The following ZNF83 variants were observed in gnomAD, a reference collection of about 807,000 sequenced individuals.
ZNF83 encodes zinc finger protein 83.
For missense variants in ZNF83, 552 were observed against 629.9 expected (o/e 0.88, Z 1.32); for synonymous variants, 209 against 213.0 (o/e 0.98, Z 0.17).
chr19:52,629,263 G>A (rs1327680392), intron 2 of ZNF83, among the ~76,000 whole-genome samples: 4 of 152,100 alleles, frequency 2.6e-5, no homozygotes, highest in Non-Finnish European at 4.4e-5. Flanking sequence ...ACGGTCTGAG[G>A]TGCCTGACAT....
upstream of ZNF83, among the ~76,000 whole-genome samples, chr19:52,640,117 C>T (rs551651197): frequency 2.6e-5 from 4 of 152,246 alleles, no homozygotes; most frequent in East Asian, 3.9e-4. Context: ...GTCTTTTTGA[C>T]GAGTGTGAGT....
chr19:52,648,655 C>T (rs2061405452), intron 3 of ZNF83, among the ~76,000 whole-genome samples: 1 of 152,108 alleles, frequency 6.6e-6, no homozygotes, highest in African/African-American at 2.4e-5. Context: ...TTGTTCAGTC[C>T]CGCTGCTGTT....
chr19:52,613,072 G>T lies in ZNF83; in HGVS notation c.1493C>A (p.Ser498Ter), dbSNP rs758679709. ...AAATCTCTGATGACGTACAAGATAT[G>T]AATTGTCGCGGAAGAGTTTGCCACA... The change falls in exon 3 of 3, where the codon TCA becomes TAA. Residue 498 changes from serine (S) to a stop codon, truncating the protein, a stop_gained. Transcript: ENST00000301096. LOFTEE classifies it low-confidence loss of function (END_TRUNC). 6.2e-7 allele frequency: 1 copy of T among 1,612,978 alleles called. No homozygotes were observed.
intron 2 of ZNF83, among the ~76,000 whole-genome samples, chr19:52,629,692 A>G (rs1281280372): frequency 6.6e-6 from 1 of 152,112 alleles, no homozygotes; most frequent in Non-Finnish European, 1.5e-5. Context: ...GCTCTTTTTC[A>G]TCAAATATAA....
upstream of ZNF83, among the ~76,000 whole-genome samples, chr19:52,642,574 A>T (rs1039131023): frequency 1.3e-5 from 2 of 152,100 alleles, no homozygotes; most frequent in Non-Finnish European, 2.9e-5. Context: ...ATAAAACGGG[A>T]GGCAAGTTTG....
intron 1 of ZNF83, among the ~76,000 whole-genome samples, chr19:52,673,781 G>A (rs2061760046): frequency 6.6e-6 from 1 of 150,750 alleles, no homozygotes; most frequent in Non-Finnish European, 1.5e-5. Context: ...TTGGGAGGCT[G>A]AGGTGGGCCA....
intron 1 of ZNF83, among the ~76,000 whole-genome samples, chr19:52,686,947 C>A (rs1366479840): frequency 6.6e-6 from 1 of 151,874 alleles, no homozygotes; most frequent in Non-Finnish European, 1.5e-5. Context: ...TTTGGGAGAT[C>A]GAGGTGAGCA....
At chr19:52,679,027 C>T (rs1424197280) in intron 1 of ZNF83, among the ~76,000 whole-genome samples, 2 of 151,502 alleles carry the variant, frequency 1.3e-5, no homozygotes, top group African/African-American at 4.8e-5. Context: ...TTCAACCTCA[C>T]AAGCTCCCTT....
Position 52,613,831 on chromosome 19 carries a change from T to C in ZNF83, c.734A>G (p.Asn245Ser). Residue 245 changes from asparagine to serine, a missense_variant, in exon 3 of 3, where the codon AAT becomes AGT. By Grantham distance (46) the Asn-to-Ser change is conservative. Coordinates refer to ENST00000301096, the Ensembl canonical transcript of ZNF83. The stretch of plus-strand genomic sequence containing the variant: ...GATCAGATGTTGTACAAGGTAGGAA[T>C]TGCGACTGAACACCTTGCCACATTT... 6.2e-7 allele frequency: 1 copy of C among 1,614,078 alleles called. No individual in the cohort carries two copies. The highest frequency in any genetic ancestry group is 8.5e-7 in the Non-Finnish European group (1 of 1,179,986).
chr19:52,676,662 A>G (rs1385092419), intron 1 of ZNF83, among the ~76,000 whole-genome samples: 4 of 141,574 alleles, frequency 2.8e-5, no homozygotes, highest in East Asian at 2.0e-4. Flanking sequence ...CAGGATGACA[A>G]TGGCGGCTTT....
chr19:52,614,799 T>TACAAGATATAAGGATCC lies in ZNF83; in HGVS notation c.-233-19_-233-3dup. ...TGATCTCACATTTAGAAAAAATACC[T>TACAAGATATAAGGATCC]ACAAGATATAAGGATCCCACAGTTT... On this transcript the variant is annotated splice_region_variant and splice_polypyrimidine_tract_variant and intron_variant, in intron 2 of 2. Transcript: ENST00000301096. The TACAAGATATAAGGATCC allele has an allele frequency of 7.8e-7, 1 of 1,281,882 alleles. No homozygotes were observed. The highest frequency in any genetic ancestry group is 9.9e-7 in the Non-Finnish European group (1 of 1,007,212). The allele number at this position is 1,281,882 out of a possible 1,614,324, so 79.4% of individuals were successfully genotyped here. A position where few individuals can be genotyped will look rare whatever the true frequency, so the allele number is the denominator to read the frequency against.
chr19:52,676,938 T>A (rs1009180001), intron 1 of ZNF83, among the ~76,000 whole-genome samples: 8 of 140,016 alleles, frequency 5.7e-5, no homozygotes, highest in African/African-American at 2.2e-4. Context: ...GCATGCTCCT[T>A]AAGAGTCATC....
chr19:52,624,137 C>T (rs1360427652), intron 2 of ZNF83, among the ~76,000 whole-genome samples: 1 of 152,174 alleles, frequency 6.6e-6, no homozygotes, highest in African/African-American at 2.4e-5. Flanking sequence ...CAAGCTCTTT[C>T]TCATGATTTA....
intron 1 of ZNF83, among the ~76,000 whole-genome samples, chr19:52,677,423 T>A (rs1447845350): frequency 6.6e-6 from 1 of 150,988 alleles, no homozygotes; most frequent in African/African-American, 2.4e-5. Flanking sequence ...GCAGTGGAGG[T>A]TGCAGTGAGC....
At chr19:52,635,990 C>T (rs374205625) in intron 1 of ZNF83, 4 of 60,708 alleles carry the variant, frequency 6.6e-5, no homozygotes, top group African/African-American at 1.2e-4. Context: ...GAAATTCCAA[C>T]TCAAAAAAAA....
chr19:52,655,433 C>T (rs1387057299), intron 3 of ZNF83: 1 of 900,436 alleles, frequency 1.1e-6, no homozygotes, highest in Non-Finnish European at 1.7e-6. Flanking sequence ...AGGATCATCA[C>T]TGCAGAAAAC....
intron 3 of ZNF83, among the ~76,000 whole-genome samples, chr19:52,647,533 C>CAG (rs999131684): frequency 3.3e-5 from 5 of 152,070 alleles, no homozygotes; most frequent in Non-Finnish European, 7.4e-5. Context: ...CCCCTTGCCT[C>CAG]AGTCTCCTAA....
At chr19:52,687,475 T>G (rs182817439) in intron 1 of ZNF83, among the ~76,000 whole-genome samples, 2,515 of 57,348 alleles carry the variant, frequency 0.044, 972 homozygotes, top group African/African-American at 0.31. Context: ...AATTTATATA[T>G]CTATATAAAT....
intron 1 of ZNF83, among the ~76,000 whole-genome samples, chr19:52,679,045 T>G (rs8110016): frequency 6.6e-6 from 1 of 151,776 alleles, no homozygotes; most frequent in East Asian, 1.9e-4. Context: ...CTTAATAAGA[T>G]TGATGAAAAC....
Sources: allele counts gnomAD v4.1 joint callset (sites outside exome capture counted in the v4.1 genomes callset), GRCh38; gene constraint gnomAD v4.1.1; transcripts MANE v1.5; gene names NCBI Gene and HGNC (gene_info 2026-07-23, HGNC 2026-07-21).